GRIN2A: variants seen among roughly 807,000 people sequenced by gnomAD.
GRIN2A encodes glutamate receptor ionotropic, NMDA 2A.
GRIN2A carries 22 observed loss-of-function variants against 113.4 expected under a neutral mutation model. The observed-to-expected ratio is 0.19, with a 90% CI of 0.14 to 0.28. The LOEUF is 0.28. Ranked by LOEUF, GRIN2A falls within the 10% of genes least tolerant of loss-of-function variation. The pLI, the probability that GRIN2A is intolerant of heterozygous loss-of-function variation, is 1.00. For missense variants in GRIN2A, 1,502 were observed against 1,887.0 expected, an observed-to-expected ratio of 0.80 and a Z score of 3.78; for synonymous variants, 827 against 738.4, an observed-to-expected ratio of 1.12 and a Z score of -1.94.
At chr16:10,111,271 T>C (rs897390229) in intron 2 of GRIN2A, 12 of 341,982 alleles carry the variant, frequency 3.5e-5, no homozygotes, top group Non-Finnish European at 5.7e-5. Context: ...ACCACCACTA[T>C]GGGCATTAAA....
chr16:10,085,988 C>G (rs1022926240), intron 2 of GRIN2A, among the ~76,000 whole-genome samples: 3 of 152,074 alleles, frequency 2.0e-5, no homozygotes, highest in Non-Finnish European at 4.4e-5. Flanking sequence ...TTCTGTAATG[C>G]CTGGGGCCAT....
chr16:9,920,277 A>G (rs2044334168), intron 3 of GRIN2A, among the ~76,000 whole-genome samples: 2 of 152,228 alleles, frequency 1.3e-5, no homozygotes, highest in South Asian at 4.1e-4. Context: ...GAATTCCAGG[A>G]AATTGCTAGG....
chr16:10,072,946 C>CTTTT (rs34432023), intron 2 of GRIN2A, among the ~76,000 whole-genome samples: 85 of 104,208 alleles, frequency 8.2e-4, no homozygotes, highest in Non-Finnish European at 1.0e-3. Flanking sequence ...ACAAGACCCC[C>CTTTT]TTTTTTTTTT....
At position 9,840,832 on chromosome 16, in the gene GRIN2A, AAG is replaced by A. The variant is rs111268758; in HGVS notation, c.1498-34_1498-33del. The A allele has an allele frequency of 0.1, 121,864 of 1,186,912 alleles. 7,468 individuals are homozygous for A. The highest frequency in any genetic ancestry group is 0.31 in the African/African-American group (14,940 of 48,536). 73.5% of individuals were successfully genotyped at this position (1,186,912 alleles called of 1,614,324 possible). On this transcript the variant is annotated intron_variant, in intron 6 of 12. Coordinates refer to ENST00000330684, the MANE Select transcript of GRIN2A (RefSeq NM_001134407.3). ...GCAAGGCAAAAAAAAAAAAAAAAAA[AAG>A]AGAGAGAGAGAACAACAGTACTTTA... is the stretch of plus-strand genomic sequence containing the variant.
intron 10 of GRIN2A, among the ~76,000 whole-genome samples, chr16:9,813,485 A>T: frequency 6.7e-6 from 1 of 148,666 alleles, no homozygotes; most frequent in East Asian, 2.0e-4. Flanking sequence ...CTCCGATAAC[A>T]TTTTGATATA....
In GRIN2A at chr16:9,938,364, T is replaced by C. The variant is rs753547381; in HGVS notation, c.602A>G (p.Gln201Arg). ...VDNSFVGWDM[Q>R]NVITLDTSFE... is the part of the protein sequence containing the mutation. ...GGAAGTGTCCAGTGTGATCACATTC[T>C]GCATGTCCCAGCCCACAAAGCTGTT... Residue 201 changes from glutamine to arginine, a missense_variant, in exon 3 of 13, where the codon CAG becomes CGG. By Grantham distance (43) the Gln-to-Arg change is conservative. Coordinates refer to ENST00000330684, the MANE Select transcript of GRIN2A (RefSeq NM_001134407.3). 17 of 1,614,052 alleles carry C rather than the reference T, an allele frequency of 1.1e-5. No homozygotes were observed. In the East Asian group the frequency reaches 3.1e-4, roughly 30 times the overall value.
rs570457183 is a variant in GRIN2A, at chr16:9,840,926, G to T, written c.1497+10C>A. 6.2e-7 allele frequency: 1 copy of T among 1,613,022 alleles called. No individual in the cohort carries two copies. The highest frequency in any genetic ancestry group is 1.3e-5 in the African/African-American group (1 of 74,832). ...TGAGTAAGAGCCTAGGGGATGAAAA[G>T]ATAACTTACTTCACCGATCATTCCA... is the stretch of plus-strand genomic sequence containing the variant. On this transcript the variant is annotated intron_variant, in intron 6 of 12. Coordinates refer to ENST00000330684, the MANE Select transcript of GRIN2A (RefSeq NM_001134407.3).
At chr16:9,786,991 A>G (rs1354639444) in intron 11 of GRIN2A, among the ~76,000 whole-genome samples, 2 of 152,178 alleles carry the variant, frequency 1.3e-5, no homozygotes, top group African/African-American at 2.4e-5. Context: ...GCTATATAAC[A>G]TGGCTTAGTT....
chr16:9,912,432 T>C (rs1567171811), intron 3 of GRIN2A, among the ~76,000 whole-genome samples: 1 of 143,510 alleles, frequency 7.0e-6, no homozygotes. Flanking sequence ...CCTGATGAAA[T>C]GCATATAAAA....
intron 2 of GRIN2A, among the ~76,000 whole-genome samples, chr16:10,047,561 C>G (rs2141976364): frequency 6.6e-6 from 1 of 152,310 alleles, no homozygotes; most frequent in South Asian, 2.1e-4. Context: ...GAGTCCCATA[C>G]CTGATATAGA....
chr16:9,933,425 C>A (rs2044644063), intron 3 of GRIN2A, among the ~76,000 whole-genome samples: 1 of 152,164 alleles, frequency 6.6e-6, no homozygotes, highest in South Asian at 2.1e-4. Context: ...TGTTCTCAAC[C>A]AGTCAAATCT....
intron 9 of GRIN2A, among the ~76,000 whole-genome samples, chr16:9,827,742 C>T (rs2042412701): frequency 6.6e-6 from 1 of 152,158 alleles, no homozygotes; most frequent in Admixed American, 6.5e-5. Flanking sequence ...CAAAAGGGAT[C>T]CCAGGAGATC....
intron 2 of GRIN2A, among the ~76,000 whole-genome samples, chr16:10,089,901 G>A (rs947168718): frequency 4.6e-5 from 7 of 152,118 alleles, no homozygotes; most frequent in African/African-American, 1.4e-4. Context: ...CGATGAGGGG[G>A]AGGCTCAAGT....
intron 2 of GRIN2A, among the ~76,000 whole-genome samples, chr16:10,106,167 C>A (rs911279226): frequency 2.0e-5 from 3 of 150,756 alleles, no homozygotes; most frequent in African/African-American, 7.3e-5. Context: ...AAGATGATGA[C>A]CATTCTTATA....
At chr16:10,033,152 T>C (rs990628872) in intron 2 of GRIN2A, among the ~76,000 whole-genome samples, 1 of 152,220 alleles carries the variant, frequency 6.6e-6, no homozygotes, top group Non-Finnish European at 1.5e-5. Context: ...AACCGTGAAC[T>C]GTTATAATTC....
intron 2 of GRIN2A, among the ~76,000 whole-genome samples, chr16:9,981,319 G>C (rs1327668583): frequency 6.6e-6 from 1 of 152,196 alleles, no homozygotes; most frequent in Non-Finnish European, 1.5e-5. Context: ...GCAAAGCTTA[G>C]TTATGATCCC....
chr16:9,884,019 C>T (rs563870175), intron 4 of GRIN2A, among the ~76,000 whole-genome samples: 1 of 152,186 alleles, frequency 6.6e-6, no homozygotes, highest in East Asian at 1.9e-4. Flanking sequence ...CATTTAAAGT[C>T]AAAACTTCAA....
chr16:10,032,355 T>C (rs2141929104), intron 2 of GRIN2A, among the ~76,000 whole-genome samples: 1 of 152,258 alleles, frequency 6.6e-6, no homozygotes, highest in East Asian at 1.9e-4. Flanking sequence ...AATTAAGTGA[T>C]TTTTTTTAAA....
intron 2 of GRIN2A, among the ~76,000 whole-genome samples, chr16:10,113,411 C>T (rs1237060332): frequency 1.3e-5 from 2 of 152,220 alleles, no homozygotes; most frequent in East Asian, 1.9e-4. Flanking sequence ...GGCCATTCCC[C>T]TGTCCCTGGC....
Sources: gnomAD v4.1 joint callset for allele counts (sites outside exome capture counted in the v4.1 genomes callset) on GRCh38, gnomAD v4.1.1 for gene constraint, MANE v1.5 for transcripts, NCBI Gene and HGNC (gene_info 2026-07-23, HGNC 2026-07-21) for gene names.